KIR2DL3: variants seen among roughly 807,000 people sequenced by gnomAD.
KIR2DL3 encodes the protein killer cell immunoglobulin-like receptor 2DL3.
A neutral mutation model predicts 33.8 loss-of-function variants in KIR2DL3; 39 were observed. That is an observed-to-expected ratio of 1.15 (90% CI 0.89 to 1.51). The LOEUF (loss-of-function observed/expected upper bound fraction) is 1.51. KIR2DL3 is among the 40% of genes most tolerant of loss of function. The probability of loss-of-function intolerance (pLI) is 0.00; values close to 1 mark genes in which losing one functional copy is unlikely to be tolerated. For missense variants in KIR2DL3, 462 were observed against 426.2 expected (o/e 1.08, Z -0.74); for synonymous variants, 174 against 160.2 (o/e 1.09, Z -0.65).
intron 1 of KIR2DL3, 74 bp downstream of exon 1, chr19:54,738,653 T>C: frequency 6.2e-7 from 1 of 1,605,066 alleles, no homozygotes; most frequent in Admixed American, 1.7e-5. Flanking sequence ...GATATAGGCC[T>C]GGAAGTGGAG....
chr19:54,740,833 A>T (rs1418333122), intron 2 of KIR2DL3, among the ~76,000 whole-genome samples: 2 of 152,008 alleles, frequency 1.3e-5, no homozygotes, highest in African/African-American at 4.8e-5. Context: ...CACTGGGCTC[A>T]GTGTAATCAC....
chr19:54,742,205 G>C lies in KIR2DL3; in HGVS notation c.296G>C (p.Arg99Thr), dbSNP rs774099153. 6 of 1,614,052 alleles carry C rather than the reference G, an allele frequency of 3.7e-6. No individual in the cohort carries two copies. Among genetic ancestry groups the C allele is most frequent in the Admixed American group, 1.7e-5 (1 of 60,004 alleles). The change falls in exon 3 of 8, where the codon AGA becomes ACA. Residue 99 changes from arginine (R) to threonine (T), a missense_variant. Transcript: ENST00000342376. The part of the protein sequence containing the change: ...PMMQDLAGTY[R>T]CYGSVTHSPY... ...ATGCAAGACCTTGCAGGGACCTACAGATGCTACGGTTCTGTTACTCACTCC... is the reference window on the plus strand; with the variant it reads ...ATGCAAGACCTTGCAGGGACCTACACATGCTACGGTTCTGTTACTCACTCC...
intron 3 of KIR2DL3, among the ~76,000 whole-genome samples, chr19:54,742,624 A>T (rs1490105555): frequency 7.2e-5 from 11 of 151,792 alleles, no homozygotes; most frequent in Non-Finnish European, 1.5e-4. Flanking sequence ...ACCTCCACAA[A>T]GTGTTCTCTA....
intron 1 of KIR2DL3, among the ~76,000 whole-genome samples, chr19:54,739,110 A>T (rs1359725885): frequency 6.9e-5 from 10 of 145,918 alleles, no homozygotes; most frequent in Non-Finnish European, 1.3e-4. Context: ...TAGGAAGGAG[A>T]TATGGGCCTG....
Position 54,752,265 on chromosome 19 carries a change from G to T in KIR2DL3, c.870G>T (p.Arg290Ser). The change falls in exon 7 of 8, where the codon AGG (arginine) becomes AGT (serine). Residue 290 changes from arginine (R) to serine (S), a missense_variant. Physicochemically the swap from Arg to Ser is moderately radical, Grantham distance 110 (BLOSUM62 -1). Coordinates refer to ENST00000342376, the MANE Select transcript of KIR2DL3 (RefSeq NM_015868.3). ...CTGCAGGGAACAGAACAGTGAACAGGGAGGTAGGTGCTCCTCGGCCCAGCC... is the reference window on the plus strand; with the variant it reads ...CTGCAGGGAACAGAACAGTGAACAGTGAGGTAGGTGCTCCTCGGCCCAGCC... Reference protein sequence around the residue: ...QEPAGNRTVNREDSDEQDPQE... With the variant: ...QEPAGNRTVNSEDSDEQDPQE... The T allele has an allele frequency of 6.9e-7, 1 of 1,440,868 alleles. No homozygotes were observed. The allele number at this position is 1,440,868 out of a possible 1,614,324, so 89.3% of individuals were successfully genotyped here.
chr19:54,749,974 CG>C (rs1158064355), intron 5 of KIR2DL3, among the ~76,000 whole-genome samples: 3 of 110,274 alleles, frequency 2.7e-5, no homozygotes, highest in Non-Finnish European at 3.9e-5. Context: ...TTCCAATCAT[CG>C]TTTTTCTATT....
chr19:54,747,840 C>T (rs2072796083), intron 5 of KIR2DL3, among the ~76,000 whole-genome samples: 1 of 152,204 alleles, frequency 6.6e-6, no homozygotes, highest in African/African-American at 2.4e-5. Flanking sequence ...TAACAGAGAA[C>T]GGAGCTCATG....
In KIR2DL3 at chr19:54,739,483, G is replaced by T. The variant is rs765329975; in HGVS notation, c.35-24G>T. 6.8e-6 allele frequency: 11 copies of T among 1,613,838 alleles called. No homozygotes were observed. In the East Asian group the frequency reaches 2.5e-4, roughly 36 times the overall value. On this transcript the variant is annotated intron_variant, in intron 1 of 7. Transcript: ENST00000342376. ...GGCCTGGTTTGCCTGCAGATGGATG[G>T]TCCATCATGATCTTTCTTTCCAGGG...
At chr19:54,748,730 T>A (rs2072960168) in intron 5 of KIR2DL3, among the ~76,000 whole-genome samples, 1 of 143,766 alleles carries the variant, frequency 7.0e-6, no homozygotes, top group Non-Finnish European at 1.5e-5. Flanking sequence ...CAAGTGATTC[T>A]CCTGCCTCCG....
chr19:54,748,099 T>C lies in KIR2DL3; in HGVS notation c.715+714T>C, dbSNP rs1209766373. On this transcript the variant is annotated intron_variant, in intron 5 of 7. Transcript: ENST00000342376. ...CAGGCAAGAATCTGCTTCTCACTTA[T>C]CCCAGCTTCTAAAGGCTCCCAGTTC... Among the ~76,000 whole-genome samples, 7 of 150,498 alleles carry C rather than the reference T, an allele frequency of 4.7e-5. No homozygotes were observed. In the East Asian group the frequency reaches 5.8e-4, roughly 12 times the overall value.
chr19:54,751,185 T>C (rs2073363422), intron 5 of KIR2DL3, among the ~76,000 whole-genome samples: 2 of 132,116 alleles, frequency 1.5e-5, no homozygotes, highest in Non-Finnish European at 3.3e-5. Context: ...GGAGGGTCTG[T>C]CTGTGCAGAG....
intron 4 of KIR2DL3, among the ~76,000 whole-genome samples, chr19:54,746,720 C>T (rs1348515197): frequency 1.7e-4 from 25 of 150,360 alleles, no homozygotes; most frequent in Non-Finnish European, 3.4e-4. Flanking sequence ...TGGTGGCTGA[C>T]ACCTGCAATT....
At chr19:54,744,467 TA>T (rs1402516812) in intron 4 of KIR2DL3, among the ~76,000 whole-genome samples, 1 of 152,184 alleles carries the variant, frequency 6.6e-6, no homozygotes, top group African/African-American at 2.4e-5. Flanking sequence ...CTACACCCTT[TA>T]CTTTTGTTTG....
chr19:54,751,635 T>C lies in KIR2DL3; in HGVS notation c.716-14T>C, dbSNP rs368131393. 3.3e-4 allele frequency: 491 copies of C among 1,482,246 alleles called. 49 individuals carry two copies. The highest frequency in any genetic ancestry group is 3.9e-4 in the Non-Finnish European group (420 of 1,088,584). 91.8% of individuals were successfully genotyped at this position (1,482,246 alleles called of 1,614,324 possible). ...CTATGATTAGCTTCTTATTGGTGTC[T>C]CCTCTTCTTCCAGGTAACCCCAGAC... On this transcript the variant is annotated splice_polypyrimidine_tract_variant and intron_variant, in intron 5 of 7. Transcript: ENST00000342376.
In KIR2DL3 at chr19:54,738,557, G is replaced by A. The variant is rs561174842; in HGVS notation, c.12G>A (p.Met4Ile). The A allele has an allele frequency of 6.2e-7, 1 of 1,613,660 alleles. No homozygotes were observed. The highest frequency in any genetic ancestry group is 1.1e-5 in the South Asian group (1 of 91,084). MSL[M>I]VVSMVCVGFF... ...GCACAGACAGCACCATGTCGCTCAT[G>A]GTCGTCAGCATGGTGTGTGTTGGTG... The change falls in exon 1 of 8, where the codon ATG becomes ATA. Residue 4 changes from methionine (M) to isoleucine (I), a missense_variant. By Grantham distance (10) the Met-to-Ile change is conservative. Coordinates refer to ENST00000342376, the MANE Select transcript of KIR2DL3 (RefSeq NM_015868.3).
intron 2 of KIR2DL3, among the ~76,000 whole-genome samples, chr19:54,741,695 A>G (rs1331124934): frequency 6.6e-6 from 1 of 151,512 alleles, no homozygotes; most frequent in African/African-American, 2.4e-5. Flanking sequence ...CCCCCACATA[A>G]ACAGCAGGAA....
At position 54,743,084 on chromosome 19, in the gene KIR2DL3, T is replaced by C. The variant is rs1228189784; in HGVS notation, c.371-711T>C. On this transcript the variant is annotated intron_variant, in intron 3 of 7. Transcript: ENST00000342376. ...ACAAGGACATAGAAACATGGAGATG[T>C]GGGGATGAATTGCAGAGATTCCAAA... 4.4e-4 allele frequency among the ~76,000 whole-genome samples: 66 copies of C among 151,292 alleles called. 1 individual carries two copies. The highest frequency in any genetic ancestry group is 1.8e-3 in the Admixed American group (27 of 15,118).
rs1600338825 is a variant in KIR2DL3, at chr19:54,742,335, A to T, written c.370+56A>T. On this transcript the variant is annotated intron_variant, in intron 3 of 7. Transcript: ENST00000342376. ...TGGGATGCAGAGTGAATGATCCACG[A>T]CTTGGAACCCCCAGGTAGTTGTAAG... 4 of 1,596,142 alleles carry T rather than the reference A, an allele frequency of 2.5e-6. No individual in the cohort carries two copies. In the African/African-American group the frequency reaches 4.0e-5, roughly 16 times the overall value.
At chr19:54,750,820 A>C (rs7260102) in intron 5 of KIR2DL3, among the ~76,000 whole-genome samples, 44,407 of 114,552 alleles carry the variant, frequency 0.39, 12,359 homozygotes, top group Middle Eastern at 0.5. Flanking sequence ...CAGAAAAGCT[A>C]CTCGGGACAT....
Sources: allele counts gnomAD v4.1 joint callset (sites outside exome capture counted in the v4.1 genomes callset), GRCh38; gene constraint gnomAD v4.1.1; transcripts MANE v1.5; gene names NCBI Gene and HGNC (gene_info 2026-07-23, HGNC 2026-07-21).